The following ZCCHC2 variants were observed in gnomAD, a reference collection of about 807,000 sequenced individuals.
ZCCHC2 encodes the protein zinc finger CCHC domain-containing protein 2.
A neutral mutation model predicts 103.6 loss-of-function variants in ZCCHC2; 39 were observed. The ratio of observed to expected loss-of-function variants is 0.38; its 90% CI spans 0.29 to 0.49. The LOEUF is 0.49. ZCCHC2 is among the 20% of genes least tolerant of loss of function. The pLI is 0.96. For synonymous variants in ZCCHC2, 687 were observed against 608.9 expected, an observed-to-expected ratio of 1.13 and a Z score of -1.89; for missense variants, 1,483 against 1,491.0, an observed-to-expected ratio of 0.99 and a Z score of 0.09.
chr18:62,539,989 T>G (rs984702219), intron 2 of ZCCHC2, among the ~76,000 whole-genome samples, 197 bp downstream of exon 2: 1 of 152,178 alleles, frequency 6.6e-6, no homozygotes, highest in African/African-American at 2.4e-5. Flanking sequence ...ACAGCCCTGC[T>G]TGTCCTAGCA....
chr18:62,523,894 AC>A lies in ZCCHC2; in HGVS notation c.473del (p.Pro158ArgfsTer123). 6.5e-7 allele frequency: 1 copy of A among 1,539,282 alleles called. No individual in the cohort carries two copies. On this transcript the variant is annotated frameshift_variant, in exon 1 of 14. Transcript: ENST00000269499. LOFTEE classifies it high-confidence loss of function. ...DSEAKANGLS[D>X]PGPLADFREP... ...GAGGCCAAGGCCAACGGCCTCTCGG[AC>A]CCGGGGCCGCTGGCCGACTTCCGAG...
chr18:62,583,502 CTTAACAGCACCATCCATT>C (rs1453905469), downstream of ZCCHC2, among the ~76,000 whole-genome samples: 3 of 152,176 alleles, frequency 2.0e-5, no homozygotes, highest in Non-Finnish European at 4.4e-5. Flanking sequence ...GCACCTAGTA[CTTAACAGCACCATCCATT>C]TGAGCTTGGA....
At chr18:62,546,720 C>T (rs1416889138) in intron 4 of ZCCHC2, among the ~76,000 whole-genome samples, 8 of 152,206 alleles carry the variant, frequency 5.3e-5, no homozygotes, top group African/African-American at 1.7e-4. Flanking sequence ...ACTGGCTTTC[C>T]CTCTGGAAGC....
intron 12 of ZCCHC2, among the ~76,000 whole-genome samples, chr18:62,573,099 A>G (rs1313011485): frequency 6.6e-6 from 1 of 152,162 alleles, no homozygotes. Context: ...AAACTTTTTA[A>G]TATCTGAAGC....
Position 62,574,091 on chromosome 18 carries a change from A to T in ZCCHC2, c.2010A>T (p.Pro670=), listed in dbSNP as rs188814595. Residue 670 remains proline (P), a synonymous_variant, in exon 13 of 14, where the codon CCA becomes CCT. Transcript: ENST00000269499. ...GCAATTCTGAGGATTCTGGGAATCC[A>T]TCAACAACTAGGTTTACAGGTTACG... is the stretch of plus-strand genomic sequence containing the variant. ...TDSNSEDSGN[P]STTRFTGYGS... is the part of the protein sequence containing the mutation. The T allele has an allele frequency of 4.3e-6, 7 of 1,613,878 alleles. No homozygotes were observed. In the East Asian group the frequency reaches 1.6e-4, roughly 36 times the overall value.
chr18:62,530,155 C>T (rs1914619059), intron 1 of ZCCHC2, among the ~76,000 whole-genome samples: 1 of 152,078 alleles, frequency 6.6e-6, no homozygotes, highest in African/African-American at 2.4e-5. Flanking sequence ...TACATGTTGC[C>T]TTAATAATTT....
At chr18:62,537,920 A>G (rs2145493466) in intron 1 of ZCCHC2, among the ~76,000 whole-genome samples, 1 of 152,238 alleles carries the variant, frequency 6.6e-6, no homozygotes, top group South Asian at 2.1e-4. Context: ...CATTTTCTTC[A>G]TGTCCTTGCC....
At chr18:62,538,614 AG>A (rs1324007597) in intron 1 of ZCCHC2, among the ~76,000 whole-genome samples, 1 of 152,198 alleles carries the variant, frequency 6.6e-6, no homozygotes, top group Non-Finnish European at 1.5e-5. Context: ...AAATGGTTTT[AG>A]GTAGACAGTC....
chr18:62,551,216 A>T (rs1915649353), intron 5 of ZCCHC2: 1 of 152,154 alleles, frequency 6.6e-6, no homozygotes, highest in African/African-American at 2.4e-5. Context: ...AGTAGAGGGG[A>T]TGTAAAATCA....
At chr18:62,568,688 C>T (rs936345264) in intron 11 of ZCCHC2, among the ~76,000 whole-genome samples, 20 of 152,262 alleles carry the variant, frequency 1.3e-4, no homozygotes, top group Non-Finnish European at 1.8e-4. Context: ...TTTTGATGAA[C>T]GCTACCCCTG....
Position 62,531,058 on chromosome 18 carries a change from AT to A in ZCCHC2, c.939+6708del, listed in dbSNP as rs879473256. 1.6e-3 allele frequency among the ~76,000 whole-genome samples: 239 copies of A among 146,198 alleles called. 1 individual carries two copies. The highest frequency in any genetic ancestry group is 3.4e-3 in the East Asian group (17 of 5,056). ...TTTTCTCTTGAGAAATGTTAAGCTAATTTTTTTTTTTTTAAAGGGAAGCAAA... is the reference window on the plus strand; with the variant it reads ...TTTTCTCTTGAGAAATGTTAAGCTAATTTTTTTTTTTTAAAGGGAAGCAAA... On this transcript the variant is annotated intron_variant, in intron 1 of 13. Coordinates refer to ENST00000269499, the MANE Select transcript of ZCCHC2 (RefSeq NM_017742.6).
chr18:62,565,174 G>T (rs552648578), intron 11 of ZCCHC2, 78 bp downstream of exon 11: 41 of 1,046,630 alleles, frequency 3.9e-5, no homozygotes, highest in Non-Finnish European at 5.3e-5. Context: ...AATAGATACT[G>T]AGCTGTTGTG....
rs934003057 is a variant in ZCCHC2 at position 62,576,408 on chromosome 18, G to T, written c.3470-104G>T. 4.2e-6 allele frequency: 4 copies of T among 941,384 alleles called. No homozygotes were observed. In the South Asian group the frequency reaches 5.7e-5, roughly 13 times the overall value. The allele number at this position is 941,384 out of a possible 1,614,324, so 58.3% of individuals were successfully genotyped here. ...CATTTGGAGTGGCACTAGAGCTGAC[G>T]AAGGTGCCTTGTGGAGAGCATGCCC... On this transcript the variant is annotated intron_variant, in intron 13 of 13. Transcript: ENST00000269499.
rs2145536384 is a variant in ZCCHC2, at chr18:62,574,449, G to C, written c.2368G>C (p.Ala790Pro). The change falls in exon 13 of 14, where the codon GCT (alanine) becomes CCT (proline). Residue 790 changes from alanine (A) to proline (P), a missense_variant. Ala to Pro is a conservative substitution (Grantham distance 27). Transcript: ENST00000269499. ...ATCGGAAAAGCACCTTGAGTTACTG[G>C]CTTCCCCTTTACCTATTCCATCAAC... The part of the protein sequence containing the change: ...GESEKHLELL[A>P]SPLPIPSTFL... 1 of 1,613,930 alleles carries C rather than the reference G, an allele frequency of 6.2e-7. No individual in the cohort carries two copies. The highest frequency in any genetic ancestry group is 2.2e-5 in the East Asian group (1 of 44,864).
chr18:62,529,304 G>C (rs1392759242), intron 1 of ZCCHC2, among the ~76,000 whole-genome samples: 1 of 152,204 alleles, frequency 6.6e-6, no homozygotes, highest in African/African-American at 2.4e-5. Flanking sequence ...TTGGGGCAGT[G>C]GGTGCTGACT....
At chr18:62,564,336 T>C (rs1916251811) in intron 9 of ZCCHC2, among the ~76,000 whole-genome samples, 2 of 152,104 alleles carry the variant, frequency 1.3e-5, no homozygotes, top group African/African-American at 4.8e-5. Flanking sequence ...AGAATGTAGG[T>C]CCATTTTCAA....
intron 12 of ZCCHC2, among the ~76,000 whole-genome samples, 156 bp downstream of exon 12, chr18:62,570,387 T>C (rs1916547426): frequency 6.6e-6 from 1 of 152,244 alleles, no homozygotes; most frequent in East Asian, 1.9e-4. Context: ...ATAAAGGATG[T>C]CGTATAGATC....
At chr18:62,540,648 GGA>G (rs1248351910) in intron 2 of ZCCHC2, among the ~76,000 whole-genome samples, 1 of 152,024 alleles carries the variant, frequency 6.6e-6, no homozygotes, top group Non-Finnish European at 1.5e-5. Flanking sequence ...AACCTGAAGT[GGA>G]GTTGGTTTTA....
chr18:62,539,623 GT>G, intron 1 of ZCCHC2, 57 bp from the exon 2 acceptor site: 1 of 1,446,152 alleles, frequency 6.9e-7, no homozygotes, highest in Non-Finnish European at 9.5e-7. Context: ...ACCTAAATCT[GT>G]GATTATTACT....
Sources: allele counts gnomAD v4.1 joint callset (sites outside exome capture counted in the v4.1 genomes callset), GRCh38; gene constraint gnomAD v4.1.1; transcripts MANE v1.5; gene names NCBI Gene and HGNC (gene_info 2026-07-23, HGNC 2026-07-21).